ANK3: variants seen among roughly 807,000 people sequenced by gnomAD.
ANK3 encodes ankyrin 3.
ANK3 carries 57 observed loss-of-function variants against 370.9 expected under a neutral mutation model. That is an observed-to-expected ratio of 0.15 (90% CI 0.12 to 0.19). The LOEUF is 0.19. ANK3 is among the 10% of genes least tolerant of loss of function. The pLI is 1.00. For missense variants in ANK3, 4,439 were observed against 5,302.1 expected (o/e 0.84, Z 5.06); for synonymous variants, 1,929 against 1,946.3 (o/e 0.99, Z 0.23).
chr10:60,328,100 C>T (rs959881122), intron 1 of ANK3, among the ~76,000 whole-genome samples: 5 of 152,044 alleles, frequency 3.3e-5, no homozygotes, highest in South Asian at 2.1e-4. Context: ...TCTATTCAAA[C>T]GTAGGCTTGA....
At chr10:60,501,313 A>G (rs183262135) in intron 2 of ANK3, among the ~76,000 whole-genome samples, 11 of 152,286 alleles carry the variant, frequency 7.2e-5, no homozygotes, top group Non-Finnish European at 1.6e-4. Context: ...ATCACAGGGA[A>G]CTCGCTTTCT....
At chr10:60,700,214 A>G (rs2079527956) in intron 1 of ANK3, among the ~76,000 whole-genome samples, 1 of 152,214 alleles carries the variant, frequency 6.6e-6, no homozygotes. Context: ...TAAACTAGAT[A>G]TCAATGACCT....
chr10:60,646,735 G>A (rs947860532), intron 1 of ANK3, among the ~76,000 whole-genome samples: 2 of 152,110 alleles, frequency 1.3e-5, no homozygotes, highest in African/African-American at 4.8e-5. Flanking sequence ...GGAATTTAAT[G>A]ACTATTAAGC....
intron 8 of ANK3, among the ~76,000 whole-genome samples, chr10:60,232,254 T>G (rs763065517): frequency 5.9e-5 from 9 of 152,180 alleles, no homozygotes; most frequent in Admixed American, 1.3e-4. Context: ...TAATTTCCAA[T>G]CCATATGCCA....
chr10:60,722,167 G>A (rs2079873391), intron 1 of ANK3, among the ~76,000 whole-genome samples: 1 of 152,010 alleles, frequency 6.6e-6, no homozygotes, highest in Non-Finnish European at 1.5e-5. Flanking sequence ...AATCCACCAA[G>A]ACTCTGCAAA....
chr10:60,381,154 T>C (rs1417247484), intron 1 of ANK3, among the ~76,000 whole-genome samples: 1 of 152,194 alleles, frequency 6.6e-6, no homozygotes, highest in Non-Finnish European at 1.5e-5. Context: ...ATTTTGTTCC[T>C]TCTACATAAT....
intron 31 of ANK3, 98 bp from the exon 32 acceptor site, chr10:60,084,928 C>T (rs1786262880): frequency 2.1e-6 from 2 of 950,908 alleles, no homozygotes; most frequent in South Asian, 1.9e-5. Flanking sequence ...TGTAAAGGAA[C>T]TAACCCAAAA....
Position 60,071,766 on chromosome 10 carries a change from C to T in ANK3, c.9115G>A (p.Glu3039Lys), listed in dbSNP as rs777012359. ...TTGGTGGGGGAGGTTTCGGTTTCCTCGAGAGGTGGGCATAAACCTACATAA... is the reference window on the plus strand; with the variant it reads ...TTGGTGGGGGAGGTTTCGGTTTCCTTGAGAGGTGGGCATAAACCTACATAA... ...QSYVGLCPPL[E>K]ETETSPTKSP... Residue 3039 changes from glutamate to lysine, a missense_variant, in exon 37 of 44, where the codon GAG (glutamate) becomes AAG (lysine). By Grantham distance (56) the Glu-to-Lys change is moderately conservative. Coordinates refer to ENST00000280772, the MANE Select transcript of ANK3 (RefSeq NM_020987.5). 5.0e-6 allele frequency: 8 copies of T among 1,599,290 alleles called. No individual in the cohort carries two copies. Among genetic ancestry groups the T allele is most frequent in the East Asian group, 2.2e-5 (1 of 44,818 alleles).
intron 1 of ANK3, among the ~76,000 whole-genome samples, chr10:60,651,296 A>G (rs1484684914): frequency 6.6e-6 from 1 of 152,188 alleles, no homozygotes; most frequent in African/African-American, 2.4e-5. Flanking sequence ...TTCAAGGATA[A>G]CACATCAAGA....
rs536664983 is a variant in ANK3 at position 60,671,947 on chromosome 10, C to T, written c.58-56723G>A. ...TGTATGCAGATAACTGCAGTCCCAGCTGACATCTTGGCAGCAACTTAGTGA... is the reference window on the plus strand; with the variant it reads ...TGTATGCAGATAACTGCAGTCCCAGTTGACATCTTGGCAGCAACTTAGTGA... On this transcript the variant is annotated intron_variant, in intron 1 of 43. Coordinates refer to the ANK3 transcript ENST00000373827. Among the ~76,000 whole-genome samples, 421 of 152,360 alleles carry T rather than the reference C, an allele frequency of 2.8e-3. 1 individual carries two copies. The highest frequency in any genetic ancestry group is 9.8e-3 in the African/African-American group (409 of 41,590).
chr10:60,487,905 G>A (rs2075391759), intron 2 of ANK3, among the ~76,000 whole-genome samples: 1 of 151,980 alleles, frequency 6.6e-6, no homozygotes, highest in Admixed American at 6.6e-5. Flanking sequence ...GTCGAGACGA[G>A]GTTTCTCCAT....
intron 2 of ANK3, among the ~76,000 whole-genome samples, chr10:60,437,136 A>G (rs2064178995): frequency 6.6e-6 from 1 of 152,190 alleles, no homozygotes; most frequent in South Asian, 2.1e-4. Context: ...ACAAATTCAC[A>G]ATTACTATTT....
rs1280744178 is a variant in ANK3, at chr10:60,084,471, C to G, written c.4074+131G>C. 3 of 523,272 alleles carry G rather than the reference C, an allele frequency of 5.7e-6. No homozygotes were observed. In the South Asian group the frequency reaches 1.3e-4, roughly 22 times the overall value. 32.4% of individuals were successfully genotyped at this position (523,272 alleles called of 1,614,324 possible). On this transcript the variant is annotated intron_variant, in intron 32 of 43. Transcript: ENST00000280772. ...AAAAAATTTGAGTATTAATCTATAT[C>G]AAATTTTTTAAAGTAAAAGTAAAAT...
intron 7 of ANK3, among the ~76,000 whole-genome samples, chr10:60,258,194 G>C (rs1352586136): frequency 6.6e-6 from 1 of 152,226 alleles, no homozygotes; most frequent in East Asian, 1.9e-4. Flanking sequence ...CAAGGGTCAT[G>C]CATAAATTCA....
At chr10:60,558,493 CA>C (rs1161218681) in intron 2 of ANK3, among the ~76,000 whole-genome samples, 4 of 152,274 alleles carry the variant, frequency 2.6e-5, no homozygotes, top group African/African-American at 9.6e-5. Flanking sequence ...ACATCACAGC[CA>C]AGACAACTAA....
chr10:60,133,097 G>A (rs2094177098), intron 25 of ANK3, among the ~76,000 whole-genome samples: 2 of 152,200 alleles, frequency 1.3e-5, no homozygotes, highest in African/African-American at 4.8e-5. Context: ...CTGCAGACAT[G>A]TGGGAGTCCC....
At chr10:60,602,431 C>T (rs2078076833) in intron 2 of ANK3, among the ~76,000 whole-genome samples, 1 of 152,138 alleles carries the variant, frequency 6.6e-6, no homozygotes, top group African/African-American at 2.4e-5. Flanking sequence ...TCACTTGTCT[C>T]CGCTAATATG....
At chr10:60,058,753 T>A (rs1392910286) in intron 41 of ANK3, among the ~76,000 whole-genome samples, 1 of 152,128 alleles carries the variant, frequency 6.6e-6, no homozygotes, top group Non-Finnish European at 1.5e-5. Context: ...CTTTCATTCA[T>A]TATTCTTCTT....
intron 17 of ANK3, 29 bp downstream of exon 17, chr10:60,186,686 C>T (rs758385859): frequency 2.5e-6 from 4 of 1,610,802 alleles, no homozygotes; most frequent in Non-Finnish European, 3.4e-6. Flanking sequence ...TGGTGTGCTG[C>T]ATGCTTTGTC....
Sources: allele counts gnomAD v4.1 joint callset (sites outside exome capture counted in the v4.1 genomes callset), GRCh38; gene constraint gnomAD v4.1.1; transcripts MANE v1.5; gene names NCBI Gene and HGNC (gene_info 2026-07-23, HGNC 2026-07-21).